GREB1: variants seen among roughly 807,000 people sequenced by gnomAD.
The protein encoded by GREB1 is growth regulating estrogen receptor binding 1.
In GREB1, 106 loss-of-function variants were observed where a neutral mutation model predicts 200.7. The ratio of observed to expected loss-of-function variants is 0.53; its 90% confidence interval spans 0.45 to 0.62. The LOEUF (loss-of-function observed/expected upper bound fraction) is 0.62, where lower values mean the gene tolerates loss of function less well. Among genes scored for constraint, GREB1 ranks in the 20% least tolerant of loss-of-function variants. The pLI, the probability that GREB1 is intolerant of heterozygous loss-of-function variation, is 0.00. For missense variants in GREB1, 2,243 were observed against 2,556.8 expected (o/e 0.88, Z 2.65); for synonymous variants, 1,132 against 1,092.4 (o/e 1.04, Z -0.72).
At position 11,596,934 on chromosome 2, in the gene GREB1, G is replaced by A. The variant is rs61421961; in HGVS notation, c.1954+695G>A. Among the ~76,000 whole-genome samples the A allele has an allele frequency of 7.2e-3, 1,085 of 151,002 alleles. 19 individuals are homozygous for A. The highest frequency in any genetic ancestry group is 0.025 in the African/African-American group (1,038 of 41,018). On this transcript the variant is annotated intron_variant, in intron 13 of 32. Coordinates refer to ENST00000381486, the MANE Select transcript of GREB1 (RefSeq NM_014668.4). ...ACCAGTGTGTACAGTGAGAGGGGGC[G>A]GGGGCGCAGGTGTGCACCGTGAGAG...
At chr2:11,605,379 C>T (rs1180790362) in intron 17 of GREB1, among the ~76,000 whole-genome samples, 1 of 151,812 alleles carries the variant, frequency 6.6e-6, no homozygotes, top group Non-Finnish European at 1.5e-5. Context: ...GCGCTTGCCA[C>T]CACGGCCAGC....
rs143462124 is a variant in GREB1, at chr2:11,508,853, A to ATCCAAAT, written c.-159+26474_-159+26480dup. ...GAAGACATCTGAGGCCTAAAGGTGA[A>ATCCAAAT]TCCAAATTTTTCTTTCTCTCTTTTT... On this transcript the variant is annotated intron_variant, in intron 1 of 2. Transcript: ENST00000628795. Among the ~76,000 whole-genome samples the ATCCAAAT allele has an allele frequency of 2.6e-3, 385 of 150,836 alleles. 12 individuals are homozygous for ATCCAAAT. The East Asian group carries it at 0.064, about 25-fold the overall frequency.
At chr2:11,576,574 G>A (rs1678877234) in intron 5 of GREB1, 39 bp downstream of exon 5, 16 of 1,552,572 alleles carry the variant, frequency 1.0e-5, no homozygotes, top group Non-Finnish European at 1.4e-5. Flanking sequence ...GGGAGTGCTG[G>A]GCCCCCAAGT....
At chr2:11,543,797 G>A (rs576359414) in intron 1 of GREB1, among the ~76,000 whole-genome samples, 4 of 152,262 alleles carry the variant, frequency 2.6e-5, no homozygotes, top group South Asian at 2.1e-4. Context: ...TCAGCACCTC[G>A]TGGGCCTCGG....
In GREB1 at chr2:11,563,862, T is replaced by G. The variant is rs141275234; in HGVS notation, c.277+1280T>G. Among the ~76,000 whole-genome samples the G allele has an allele frequency of 3.0e-3, 464 of 152,306 alleles. 2 individuals are homozygous for G. The highest frequency in any genetic ancestry group is 0.015 in the East Asian group (79 of 5,182). ...ATATGGAGATAAATGGGACGAGAGA[T>G]CCCTGTTTGATGGGAGCTATACAGG... On this transcript the variant is annotated intron_variant, in intron 3 of 32. Coordinates refer to ENST00000381486, the MANE Select transcript of GREB1 (RefSeq NM_014668.4).
chr2:11,598,919 G>A, intron 15 of GREB1, 59 bp downstream of exon 15: 6 of 1,390,420 alleles, frequency 4.3e-6, no homozygotes, highest in Non-Finnish European at 5.1e-6. Flanking sequence ...TGATGTATGT[G>A]GATGTTCCCG....
At chr2:11,583,183 T>C (rs1430424510) in intron 7 of GREB1, among the ~76,000 whole-genome samples, 1 of 152,192 alleles carries the variant, frequency 6.6e-6, no homozygotes, top group Non-Finnish European at 1.5e-5. Context: ...AGGGTTATCT[T>C]CCCAAAGTGA....
At chr2:11,620,658 G>A (rs149326985) in intron 22 of GREB1, among the ~76,000 whole-genome samples, 12 of 152,238 alleles carry the variant, frequency 7.9e-5, no homozygotes, top group Non-Finnish European at 1.3e-4. Flanking sequence ...TTAAAAATGC[G>A]GCTGGTTAAA....
rs1281121680 is a variant in GREB1 at position 11,640,470 on chromosome 2, G to A, written c.*16G>A. The A allele has an allele frequency of 6.2e-7, 1 of 1,613,842 alleles. No individual in the cohort carries two copies. The highest frequency in any genetic ancestry group is 2.2e-5 in the East Asian group (1 of 44,882). On this transcript the variant is annotated 3_prime_UTR_variant, in exon 33 of 33. Coordinates refer to ENST00000381486, the MANE Select transcript of GREB1 (RefSeq NM_014668.4). This position sits in a 1 kb window ranked among gnomAD's most constrained non-coding sequence, Gnocchi z 4.6. ...ACACATCTGAGGAAGACAGCGGCGA[G>A]TTTTCTGAAGAGATGAGTGCTCAGA...
intron 19 of GREB1, among the ~76,000 whole-genome samples, chr2:11,613,255 C>T (rs1683102913): frequency 6.6e-6 from 1 of 152,140 alleles, no homozygotes; most frequent in Admixed American, 6.5e-5. Flanking sequence ...GGTCCCTGGG[C>T]CTCCTGTAAG....
intron 1 of GREB1, among the ~76,000 whole-genome samples, chr2:11,553,023 A>AAAAG (rs1157022403): frequency 6.6e-6 from 1 of 151,686 alleles, no homozygotes; most frequent in African/African-American, 2.4e-5. Flanking sequence ...AAAAAAAAAA[A>AAAAG]AAAGAGCCGC....
chr2:11,500,459 ATT>A (rs5829310), intron 1 of GREB1, among the ~76,000 whole-genome samples: 125,724 of 141,730 alleles, frequency 0.89, 56,522 homozygotes, highest in East Asian at 0.97. Flanking sequence ...GTGCCTGGCC[ATT>A]TTTTTTTTTT....
rs1021544155 is a variant in GREB1, at chr2:11,585,188, A to G, written c.929A>G (p.Lys310Arg). ...ATCTTGTCAAACTCCGGGCCCCCCA[A>G]AAAACGCCACAAAGGGTGGTCTCCA... ...LGILSNSGPPKKRHKGWSPES... is the reference protein window; with the variant it reads ...LGILSNSGPPRKRHKGWSPES... Residue 310 changes from lysine (K) to arginine (R), a missense_variant, in exon 8 of 33, where the codon AAA becomes AGA. By Grantham distance (26) the Lys-to-Arg change is conservative (BLOSUM62 2). This residue lies in a region of GREB1 where 1,178 missense variants were observed against 1,387.4 expected (regional missense o/e 0.85). Coordinates refer to ENST00000381486, the MANE Select transcript of GREB1 (RefSeq NM_014668.4). 5 of 1,580,076 alleles carry G rather than the reference A, an allele frequency of 3.2e-6. No individual in the cohort carries two copies. Among genetic ancestry groups the G allele is most frequent in the Admixed American group, 3.9e-5 (2 of 51,862 alleles).
At chr2:11,535,221 C>T (rs1674236188) in intron 1 of GREB1, among the ~76,000 whole-genome samples, 1 of 152,142 alleles carries the variant, frequency 6.6e-6, no homozygotes, top group African/African-American at 2.4e-5. Flanking sequence ...CTCTGCATTT[C>T]CTCAGGGCCA....
chr2:11,579,521 C>G (rs891768085), intron 6 of GREB1, among the ~76,000 whole-genome samples: 1 of 152,254 alleles, frequency 6.6e-6, no homozygotes, highest in South Asian at 2.1e-4. Context: ...CTTCTGCTAA[C>G]TCATGTCATT....
chr2:11,525,971 C>T (rs1673860290), intron 1 of GREB1, among the ~76,000 whole-genome samples: 1 of 152,176 alleles, frequency 6.6e-6, no homozygotes, highest in Admixed American at 6.5e-5. Flanking sequence ...AGTAACTCTG[C>T]TGTCATCTGT....
chr2:11,542,756 A>G (rs1183489310), intron 1 of GREB1: 1 of 152,646 alleles, frequency 6.6e-6, no homozygotes, highest in Non-Finnish European at 1.5e-5. Context: ...TTGTACTTTG[A>G]TGCCCATAGG....
intron 9 of GREB1, chr2:11,587,240 C>G: frequency 1.4e-6 from 1 of 726,790 alleles, no homozygotes; most frequent in Non-Finnish European, 2.5e-6. Flanking sequence ...GGCCTTAAGA[C>G]TCAGCTCTGT....
chr2:11,576,610 G>A, intron 5 of GREB1, 75 bp downstream of exon 5: 2 of 1,114,876 alleles, frequency 1.8e-6, no homozygotes, highest in Non-Finnish European at 2.7e-6. Flanking sequence ...TCGGTGTGAT[G>A]CTGGGGAGAG....
Sources: gnomAD v4.1 joint callset for allele counts (sites outside exome capture counted in the v4.1 genomes callset) on GRCh38, gnomAD v4.1.1 for gene constraint, gnomAD v4.1.1 regional missense constraint, Gnocchi (gnomAD v3.1) non-coding constraint, MANE v1.5 for transcripts, NCBI Gene and HGNC (gene_info 2026-07-23, HGNC 2026-07-21) for gene names.